Variants in CCDC38 observed in about 807,000 individuals in gnomAD.
CCDC38 encodes the protein coiled-coil domain containing 38, also known as coiled-coil domain-containing protein 38.
In CCDC38, 69 loss-of-function variants were observed where a neutral mutation model predicts 72.8. That is an observed-to-expected ratio of 0.95 (90% CI 0.78 to 1.16). The LOEUF (loss-of-function observed/expected upper bound fraction) is 1.16. Among genes scored for constraint, CCDC38 ranks in the 50% most tolerant of loss-of-function variants. The pLI is 0.00. For synonymous variants in CCDC38, 201 were observed against 213.2 expected (o/e 0.94, Z 0.50); for missense variants, 626 against 638.9 (o/e 0.98, Z 0.22).
intron 13 of CCDC38, among the ~76,000 whole-genome samples, chr12:95,872,723 C>T (rs901710003): frequency 1.3e-5 from 2 of 152,204 alleles, no homozygotes; most frequent in East Asian, 3.8e-4. Flanking sequence ...TACAGGCATG[C>T]GCCACCACGC....
chr12:95,903,119 T>C (rs927243045), intron 5 of CCDC38, among the ~76,000 whole-genome samples: 6 of 152,156 alleles, frequency 3.9e-5, no homozygotes, highest in African/African-American at 1.4e-4. Context: ...GTACATATTT[T>C]ACAAACATAT....
chr12:95,911,440 C>A (rs1448772646), intron 4 of CCDC38, among the ~76,000 whole-genome samples: 2 of 152,178 alleles, frequency 1.3e-5, no homozygotes, highest in African/African-American at 4.8e-5. Context: ...ACTAAACAGA[C>A]AACCTATAGC....
At chr12:95,894,917 A>T in intron 8 of CCDC38, 72 bp downstream of exon 8, 2 of 1,236,086 alleles carry the variant, frequency 1.6e-6, no homozygotes, top group Non-Finnish European at 2.2e-6. Context: ...CTATTTAGAT[A>T]AAAAACATTG....
intron 5 of CCDC38, among the ~76,000 whole-genome samples, chr12:95,900,433 A>G (rs1418091624): frequency 6.6e-6 from 1 of 152,232 alleles, no homozygotes; most frequent in East Asian, 1.9e-4. Flanking sequence ...TGAGTCTCCA[A>G]ACAATATGTT....
intron 3 of CCDC38, 108 bp downstream of exon 3, chr12:95,918,768 C>T: frequency 1.4e-6 from 1 of 696,174 alleles, no homozygotes; most frequent in East Asian, 2.6e-5. Flanking sequence ...CACACACCAT[C>T]TGCGTCTAGT....
chr12:95,869,784 AT>A (rs1345490299), intron 14 of CCDC38: 3 of 485,712 alleles, frequency 6.2e-6, no homozygotes, highest in Non-Finnish European at 1.1e-5. Context: ...AAATTTCATC[AT>A]TTTGGAAAAT....
At chr12:95,883,735 G>A (rs1314235091) in intron 10 of CCDC38, among the ~76,000 whole-genome samples, 1 of 152,204 alleles carries the variant, frequency 6.6e-6, no homozygotes, top group East Asian at 1.9e-4. Context: ...TGAGGGCAGA[G>A]ATTATCTTTT....
chr12:95,917,041 GT>G, intron 4 of CCDC38, 87 bp downstream of exon 4: 2 of 1,040,910 alleles, frequency 1.9e-6, no homozygotes, highest in Non-Finnish European at 2.7e-6. Context: ...CATACTGTCT[GT>G]TTTAATCACC....
chr12:95,927,944 C>T (rs1213384272), intron 2 of CCDC38, among the ~76,000 whole-genome samples: 9 of 149,534 alleles, frequency 6.0e-5, no homozygotes, highest in Non-Finnish European at 1.3e-4. Flanking sequence ...GTGGGTAACC[C>T]GACCTTTCTC....
intron 1 of CCDC38, among the ~76,000 whole-genome samples, chr12:95,940,147 C>G (rs570855830): frequency 6.6e-5 from 10 of 152,336 alleles, no homozygotes; most frequent in Admixed American, 5.2e-4. Context: ...CTGGCCCACT[C>G]TGTCAACTGC....
At chr12:95,937,759 T>A (rs751069581) in intron 1 of CCDC38, among the ~76,000 whole-genome samples, 1 of 152,346 alleles carries the variant, frequency 6.6e-6, no homozygotes, top group South Asian at 2.1e-4. Flanking sequence ...TGGTATTTAC[T>A]TATGTGTGAG....
chr12:95,906,816 ATTTAT>A (rs1325688613), intron 4 of CCDC38, among the ~76,000 whole-genome samples: 5 of 128,546 alleles, frequency 3.9e-5, no homozygotes, highest in Non-Finnish European at 8.5e-5. Context: ...TTATTTATTT[ATTTAT>A]TTATTTATTT....
chr12:95,930,353 T>C (rs1397922359), intron 2 of CCDC38, among the ~76,000 whole-genome samples: 3 of 151,938 alleles, frequency 2.0e-5, no homozygotes, highest in Non-Finnish European at 4.4e-5. Context: ...ATGTTAGCAG[T>C]GTTGGTTCCT....
At chr12:95,874,087 G>A (rs1671574001) in intron 13 of CCDC38, among the ~76,000 whole-genome samples, 1 of 152,092 alleles carries the variant, frequency 6.6e-6, no homozygotes, top group Non-Finnish European at 1.5e-5. Context: ...TCCTATTTAT[G>A]TAACAACACA....
At chr12:95,927,367 C>G (rs2136733430) in intron 2 of CCDC38, among the ~76,000 whole-genome samples, 1 of 150,358 alleles carries the variant, frequency 6.7e-6, no homozygotes, top group African/African-American at 2.4e-5. Context: ...CAACCCCTGC[C>G]TTTTTTTGTT....
At chr12:95,919,054 C>T (rs1489910773) in intron 2 of CCDC38, 78 bp from the exon 3 acceptor site, 6 of 890,612 alleles carry the variant, frequency 6.7e-6, no homozygotes, top group Non-Finnish European at 1.1e-5. Context: ...CTCCCACCAG[C>T]TAGGGTGGAA....
chr12:95,928,494 G>A (rs1269644770), intron 2 of CCDC38, among the ~76,000 whole-genome samples: 7 of 152,060 alleles, frequency 4.6e-5, no homozygotes, highest in African/African-American at 9.7e-5. Context: ...ATTTCCTCCC[G>A]TAGCTCGGAG....
At chr12:95,931,169 G>C (rs1436626098) in intron 2 of CCDC38, among the ~76,000 whole-genome samples, 2 of 152,192 alleles carry the variant, frequency 1.3e-5, no homozygotes, top group African/African-American at 4.8e-5. Flanking sequence ...CCTTCTGGAG[G>C]CTCCAGGTGA....
Position 95,879,834 on chromosome 12 carries a change from A to G in CCDC38, c.991-39T>C. On this transcript the variant is annotated intron_variant, in intron 11 of 15. Transcript: ENST00000344280. The surrounding 1 kb of genome is among the most constrained non-coding windows in gnomAD (Gnocchi z 5.5). ...AATGAAGAATATAATTTACTTAAAA[A>G]TATGCTACCTATGCACATGTGACTT... 6.7e-7 allele frequency: 1 copy of G among 1,483,862 alleles called. No individual in the cohort carries two copies. The highest frequency in any genetic ancestry group is 9.2e-7 in the Non-Finnish European group (1 of 1,086,484). The allele number at this position is 1,483,862 out of a possible 1,614,324, so 91.9% of individuals were successfully genotyped here.
Sources: gnomAD v4.1 joint callset for allele counts (sites outside exome capture counted in the v4.1 genomes callset) on GRCh38, gnomAD v4.1.1 for gene constraint, Gnocchi (gnomAD v3.1) non-coding constraint, MANE v1.5 for transcripts, NCBI Gene and HGNC (gene_info 2026-07-23, HGNC 2026-07-21) for gene names.